ATL2: variants seen among roughly 807,000 people sequenced by gnomAD.
The protein encoded by ATL2 is atlastin-2.
ATL2 carries 31 observed loss-of-function variants against 73.9 expected under a neutral mutation model. That is an observed-to-expected ratio of 0.42 (90% CI 0.32 to 0.57). The LOEUF (loss-of-function observed/expected upper bound fraction) is 0.57, where lower values mean the gene tolerates loss of function less well. Among genes scored for constraint, ATL2 ranks in the 20% least tolerant of loss-of-function variants. The pLI, the probability that ATL2 is intolerant of heterozygous loss-of-function variation, is 0.14. For missense variants in ATL2, 738 were observed against 702.6 expected, an observed-to-expected ratio of 1.05 and a Z score of -0.57; for synonymous variants, 291 against 237.5, an observed-to-expected ratio of 1.23 and a Z score of -2.07.
At chr2:38,355,092 C>A (rs1016149724) in intron 1 of ATL2, among the ~76,000 whole-genome samples, 10 of 151,806 alleles carry the variant, frequency 6.6e-5, no homozygotes, top group Non-Finnish European at 1.3e-4. Flanking sequence ...GCAGAGACTG[C>A]CAGACTGGGT....
chr2:38,351,676 A>C (rs1241943914), intron 1 of ATL2, among the ~76,000 whole-genome samples: 1 of 151,882 alleles, frequency 6.6e-6, no homozygotes, highest in Non-Finnish European at 1.5e-5. Flanking sequence ...TTGTATTTTT[A>C]CTAGAGATGG....
At chr2:38,314,994 G>C (rs576796275) in intron 5 of ATL2, among the ~76,000 whole-genome samples, 2 of 152,352 alleles carry the variant, frequency 1.3e-5, no homozygotes, top group Admixed American at 6.5e-5. Context: ...CTCACGCCGG[G>C]TAATCCCAGC....
At chr2:38,318,505 C>A in intron 4 of ATL2, 30 bp downstream of exon 4, 1 of 1,478,756 alleles carries the variant, frequency 6.8e-7, no homozygotes, top group South Asian at 1.3e-5. Context: ...ATTACGTGAA[C>A]TGATCGCACC....
At chr2:38,297,044 A>G (rs1472243841) in intron 12 of ATL2, among the ~76,000 whole-genome samples, 1 of 152,266 alleles carries the variant, frequency 6.6e-6, no homozygotes, top group Non-Finnish European at 1.5e-5. Context: ...AACATCAAGT[A>G]GTGAGATTGA....
chr2:38,305,255 G>A (rs7608971), intron 9 of ATL2, among the ~76,000 whole-genome samples: 50,423 of 152,086 alleles, frequency 0.33, 8,622 homozygotes, highest in South Asian at 0.47. Flanking sequence ...AGGACCGGGC[G>A]CAGTGGCTCA....
chr2:38,340,190 G>C (rs974144996), intron 2 of ATL2, among the ~76,000 whole-genome samples: 1 of 86,950 alleles, frequency 1.2e-5, no homozygotes, highest in Non-Finnish European at 2.3e-5. Flanking sequence ...GGGGGGGGTA[G>C]ACATTAACTG....
upstream of ATL2, among the ~76,000 whole-genome samples, chr2:38,378,221 A>G (rs1194415195): frequency 1.3e-5 from 2 of 152,198 alleles, no homozygotes; most frequent in Non-Finnish European, 2.9e-5. Context: ...TGTTTTGTCC[A>G]GGTCTTTTCA....
intron 1 of ATL2, among the ~76,000 whole-genome samples, chr2:38,358,929 C>T (rs1670846299): frequency 6.6e-6 from 1 of 152,026 alleles, no homozygotes; most frequent in Admixed American, 6.6e-5. Flanking sequence ...AAAAAAACAG[C>T]TACTAGTCAA....
At chr2:38,356,950 G>A (rs974695854) in intron 1 of ATL2, among the ~76,000 whole-genome samples, 3 of 152,096 alleles carry the variant, frequency 2.0e-5, no homozygotes, top group African/African-American at 4.8e-5. Flanking sequence ...TTTACGACAG[G>A]TTTTTTAATT....
intron 2 of ATL2, among the ~76,000 whole-genome samples, chr2:38,329,727 G>C (rs1468014218): frequency 2.0e-5 from 3 of 152,010 alleles, no homozygotes; most frequent in Non-Finnish European, 4.4e-5. Flanking sequence ...ATCTAACAAT[G>C]TACAAAAAGA....
intron 1 of ATL2, among the ~76,000 whole-genome samples, chr2:38,370,381 G>A (rs1229727188): frequency 4.1e-5 from 6 of 147,892 alleles, no homozygotes; most frequent in East Asian, 2.0e-4. Context: ...CCTGGGAGGC[G>A]GAGGTTACAG....
At chr2:38,329,287 G>A (rs1227035716) in intron 2 of ATL2, among the ~76,000 whole-genome samples, 1 of 150,774 alleles carries the variant, frequency 6.6e-6, no homozygotes, top group Non-Finnish European at 1.5e-5. Flanking sequence ...AATTAGCCAG[G>A]CATGGTGGTG....
chr2:38,295,992 TGTCA>T lies in ATL2; in HGVS notation c.1750_*1del. On this transcript the variant is annotated stop_lost and 3_prime_UTR_variant, in exon 13 of 13. Transcript: ENST00000378954. ...GAGTGGAGTCCGTGAGGAGATGAAC[TGTCA>T]GTCTGTCTTTAATCTGGCATGATGA... 1 of 1,542,626 alleles carries T rather than the reference TGTCA, an allele frequency of 6.5e-7. No homozygotes were observed. Among genetic ancestry groups the T allele is most frequent in the Non-Finnish European group, 8.8e-7 (1 of 1,139,312 alleles).
At chr2:38,343,620 C>A in intron 1 of ATL2, 108 bp from the exon 2 acceptor site, 1 of 932,274 alleles carries the variant, frequency 1.1e-6, no homozygotes, top group Non-Finnish European at 1.6e-6. Flanking sequence ...CCCCCTCCCC[C>A]CATTATAGAT....
chr2:38,328,645 A>G (rs1434203983), intron 2 of ATL2, among the ~76,000 whole-genome samples: 1 of 152,144 alleles, frequency 6.6e-6, no homozygotes, highest in Non-Finnish European at 1.5e-5. Flanking sequence ...AAATGAAAAT[A>G]CTACCTATTA....
intron 1 of ATL2, chr2:38,375,982 C>G: frequency 9.0e-7 from 1 of 1,115,616 alleles, no homozygotes; most frequent in Non-Finnish European, 1.2e-6. Flanking sequence ...TAAAGTGAGT[C>G]CTTGTGGTTA....
intron 9 of ATL2, among the ~76,000 whole-genome samples, chr2:38,300,907 G>GTTTTTTTTT (rs1667152966): frequency 6.7e-6 from 1 of 150,070 alleles, no homozygotes. Flanking sequence ...CTAATTTGTG[G>GTTTTTTTTT]TTTAAGAGTA....
chr2:38,354,107 A>G (rs1670518913), intron 1 of ATL2: 1 of 398,098 alleles, frequency 2.5e-6, no homozygotes, highest in Non-Finnish European at 5.0e-6. Flanking sequence ...CAGAGGAATC[A>G]CTTGAACCCG....
chr2:38,312,723 A>AAAAAG (rs572171542), intron 7 of ATL2, among the ~76,000 whole-genome samples: 9,188 of 149,280 alleles, frequency 0.062, 999 homozygotes, highest in African/African-American at 0.22. Flanking sequence ...AAAAAAAAAA[A>AAAAAG]AAGAAGGTGC....
Sources: allele counts gnomAD v4.1 joint callset (sites outside exome capture counted in the v4.1 genomes callset), GRCh38; gene constraint gnomAD v4.1.1; transcripts MANE v1.5; gene names NCBI Gene and HGNC (gene_info 2026-07-23, HGNC 2026-07-21).